Variants in SUCLG1 observed in about 807,000 individuals in gnomAD.
SUCLG1 encodes the protein succinate--CoA ligase [ADP/GDP-forming] subunit alpha, mitochondrial.
Under a neutral mutation model 37.3 loss-of-function variants are expected in SUCLG1, and 26 were observed. That is an observed-to-expected ratio of 0.70 (90% confidence interval 0.51 to 0.97). SUCLG1 has a LOEUF of 0.97. Among genes scored for constraint, SUCLG1 ranks in the 50% least tolerant of loss-of-function variants. SUCLG1 has a pLI of 0.00. For missense variants in SUCLG1, 433 were observed against 432.9 expected (o/e 1.00, Z 0.00); for synonymous variants, 163 against 155.6 (o/e 1.05, Z -0.36).
Position 84,441,390 on chromosome 2 carries a change from T to C in SUCLG1, c.388A>G (p.Asn130Asp), listed in dbSNP as rs1368914089. Reference sequence around the variant, plus strand: ...GGAATTTCTGCCTCAATAGCTTCATTAATGGCAGCAGCAGCAAAAGGCGGA... The same window carrying C: ...GGAATTTCTGCCTCAATAGCTTCATCAATGGCAGCAGCAGCAAAAGGCGGA... ...VPPPFAAAAI[N>D]EAIEAEIPLV... Residue 130 changes from asparagine to aspartate, a missense_variant, in exon 4 of 9, where the codon AAT becomes GAT. By Grantham distance (23) the Asn-to-Asp change is conservative. Coordinates refer to ENST00000393868, the MANE Select transcript of SUCLG1 (RefSeq NM_003849.4). The C allele has an allele frequency of 3.7e-6, 6 of 1,614,052 alleles. No individual in the cohort carries two copies. Among genetic ancestry groups the C allele is most frequent in the African/African-American group, 2.7e-5 (2 of 74,926 alleles).
intron 5 of SUCLG1, among the ~76,000 whole-genome samples, chr2:84,437,464 G>T (rs184753084): frequency 8.5e-5 from 13 of 152,122 alleles, no homozygotes; most frequent in Non-Finnish European, 1.6e-4. Context: ...GCCATTAGGC[G>T]AATACAAATT....
intron 7 of SUCLG1, 166 bp from the exon 8 acceptor site, chr2:84,425,769 C>T (rs1672528599): frequency 5.5e-6 from 4 of 723,878 alleles, no homozygotes; most frequent in Non-Finnish European, 9.4e-6. Flanking sequence ...GAAACCACTG[C>T]ATTCTCCTTT....
At chr2:84,433,288 T>C (rs929402579) in intron 6 of SUCLG1, 64 bp downstream of exon 6, 12 of 1,276,800 alleles carry the variant, frequency 9.4e-6, no homozygotes, top group African/African-American at 2.9e-5. Flanking sequence ...TCAATAATTA[T>C]TATTATACTC....
At chr2:84,438,626 G>T (rs1287715684) in intron 5 of SUCLG1, among the ~76,000 whole-genome samples, 3 of 152,182 alleles carry the variant, frequency 2.0e-5, no homozygotes, top group African/African-American at 7.2e-5. Context: ...TACCAAAATA[G>T]GAAGAGTTGG....
intron 5 of SUCLG1, among the ~76,000 whole-genome samples, chr2:84,437,049 G>A (rs939999676): frequency 3.3e-5 from 5 of 152,072 alleles, no homozygotes; most frequent in South Asian, 4.1e-4. Flanking sequence ...TCCACCCCAC[G>A]TATGTCTCAT....
In SUCLG1 at chr2:84,440,976, A is replaced by C. The variant is rs112568132; in HGVS notation, c.589+71T>G. The C allele has an allele frequency of 8.6e-5, 131 of 1,514,620 alleles. 2 individuals carry two copies. In the African/African-American group the frequency reaches 1.3e-3, roughly 15 times the overall value. The allele number at this position is 1,514,620 out of a possible 1,614,324, so 93.8% of individuals were successfully genotyped here. A position where few individuals can be genotyped will look rare whatever the true frequency, so the allele number is the denominator to read the frequency against. On this transcript the variant is annotated intron_variant, in intron 5 of 8. Coordinates refer to ENST00000393868, the MANE Select transcript of SUCLG1 (RefSeq NM_003849.4). ...TTAAACTTGATTTGCAAAGTCAAAA[A>C]TTCTTTGTGAGTTTTGAGGGTTTAA...
chr2:84,457,343 A>T (rs1673038211), intron 1 of SUCLG1, among the ~76,000 whole-genome samples: 1 of 152,182 alleles, frequency 6.6e-6, no homozygotes, highest in African/African-American at 2.4e-5. Flanking sequence ...TATAGAATAC[A>T]TCTTGGTTTA....
chr2:84,451,289 A>G (rs137929983), intron 1 of SUCLG1, among the ~76,000 whole-genome samples: 1 of 152,306 alleles, frequency 6.6e-6, no homozygotes, highest in African/African-American at 2.4e-5. Context: ...ATATCATATC[A>G]TATCATATCA....
chr2:84,456,554 T>C (rs1488069373), intron 1 of SUCLG1, among the ~76,000 whole-genome samples: 1 of 152,114 alleles, frequency 6.6e-6, no homozygotes, highest in African/African-American at 2.4e-5. Flanking sequence ...CTCTTAAAAC[T>C]TCACTATTTC....
At chr2:84,426,295 AAATAT>A (rs1304006763) in intron 7 of SUCLG1, 3 of 152,030 alleles carry the variant, frequency 2.0e-5, no homozygotes, top group Non-Finnish European at 4.4e-5. Flanking sequence ...AAAAAAAAGA[AAATAT>A]AAAAATGTCT....
chr2:84,427,094 G>A (rs1202886000), intron 7 of SUCLG1, among the ~76,000 whole-genome samples: 1 of 152,180 alleles, frequency 6.6e-6, no homozygotes, highest in African/African-American at 2.4e-5. Context: ...ACTCTTGAAT[G>A]TTTAACTTAA....
intron 1 of SUCLG1, among the ~76,000 whole-genome samples, chr2:84,458,968 G>A (rs767528892): frequency 1.3e-5 from 2 of 152,176 alleles, no homozygotes; most frequent in African/African-American, 2.4e-5. Flanking sequence ...TCTGCCAGCG[G>A]CCTAAGTCAT....
intron 6 of SUCLG1, among the ~76,000 whole-genome samples, chr2:84,432,093 A>T (rs948262988): frequency 8.5e-5 from 13 of 152,200 alleles, no homozygotes; most frequent in African/African-American, 3.1e-4. Context: ...CTATTTGATG[A>T]AGTATGCTGC....
chr2:84,433,518 G>T, intron 5 of SUCLG1, 83 bp from the exon 6 acceptor site: 1 of 1,109,268 alleles, frequency 9.0e-7, no homozygotes, highest in Non-Finnish European at 1.4e-6. Flanking sequence ...CAAACACTTC[G>T]AGTGACTAAC....
chr2:84,441,119 A>C lies in SUCLG1; in HGVS notation c.532-15T>G, dbSNP rs1672765373. 6.2e-7 allele frequency: 1 copy of C among 1,613,638 alleles called. No individual in the cohort carries two copies. The highest frequency in any genetic ancestry group is 1.7e-5 in the Admixed American group (1 of 59,998). On this transcript the variant is annotated splice_polypyrimidine_tract_variant and intron_variant, in intron 4 of 8. Transcript: ENST00000393868. ...CATTCTCCAGGCTGAAAGTAATCAT[A>C]GTTTTCAGAAATGTTAAAAAAAAAA...
intron 5 of SUCLG1, among the ~76,000 whole-genome samples, chr2:84,439,217 AG>A (rs1672733402): frequency 6.6e-6 from 1 of 151,948 alleles, no homozygotes; most frequent in Non-Finnish European, 1.5e-5. Context: ...CCTTTTTCAA[AG>A]GAATTAAAAG....
At chr2:84,445,825 A>C (rs942618872) in intron 2 of SUCLG1, among the ~76,000 whole-genome samples, 22 of 152,324 alleles carry the variant, frequency 1.4e-4, no homozygotes, top group African/African-American at 5.3e-4. Context: ...TCTGGTCAAA[A>C]CATAATGAAG....
intron 6 of SUCLG1, 24 bp from the exon 7 acceptor site, chr2:84,431,683 T>C (rs1672616518): frequency 6.2e-7 from 1 of 1,613,204 alleles, no homozygotes; most frequent in South Asian, 1.1e-5. Context: ...AAAATATCAA[T>C]AGCTGGAAAT....
At chr2:84,454,966 C>T (rs78583528) in intron 1 of SUCLG1, among the ~76,000 whole-genome samples, 1,586 of 152,208 alleles carry the variant, frequency 0.01, 44 homozygotes, top group African/African-American at 0.036. Context: ...AACATTTATT[C>T]GTGCACGTAC....
Sources: allele counts gnomAD v4.1 joint callset (sites outside exome capture counted in the v4.1 genomes callset), GRCh38; gene constraint gnomAD v4.1.1; transcripts MANE v1.5; gene names NCBI Gene and HGNC (gene_info 2026-07-23, HGNC 2026-07-21).